PCNT: variants seen among roughly 807,000 people sequenced by gnomAD.
PCNT encodes kendrin.
A neutral mutation model predicts 380.4 loss-of-function variants in PCNT; 319 were observed. That is an observed-to-expected ratio of 0.84 (90% CI 0.77 to 0.92). The LOEUF (loss-of-function observed/expected upper bound fraction) is 0.92. Ranked by LOEUF, PCNT falls within the 40% of genes least tolerant of loss-of-function variation. The probability of loss-of-function intolerance (pLI) is 0.00; values close to 1 mark genes in which losing one functional copy is unlikely to be tolerated. For synonymous variants in PCNT, 1,845 were observed against 1,735.2 expected, an observed-to-expected ratio of 1.06 and a Z score of -1.57; for missense variants, 4,400 against 4,255.3, an observed-to-expected ratio of 1.03 and a Z score of -0.95.
At chr21:46,429,919 C>G in intron 35 of PCNT, 91 bp from the exon 36 acceptor site, 1 of 981,422 alleles carries the variant, frequency 1.0e-6, no homozygotes. Flanking sequence ...ACATACACCT[C>G]ACGCCCCCAC....
At chr21:46,326,270 G>A (rs756419280) in intron 1 of PCNT, 107 bp from the exon 2 acceptor site, 8 of 976,764 alleles carry the variant, frequency 8.2e-6, no homozygotes, top group Non-Finnish European at 1.3e-5. Flanking sequence ...GAGTAGACTG[G>A]GTCAGCCCTC....
intron 21 of PCNT, among the ~76,000 whole-genome samples, chr21:46,392,755 T>C (rs1299812793): frequency 6.6e-6 from 1 of 152,244 alleles, no homozygotes; most frequent in East Asian, 1.9e-4. Flanking sequence ...CCTATGACTG[T>C]GCCCACACTT....
intron 44 of PCNT, 58 bp from the exon 45 acceptor site, chr21:46,443,752 A>T: frequency 6.4e-7 from 1 of 1,562,790 alleles, no homozygotes; most frequent in East Asian, 2.2e-5. Flanking sequence ...ATGGGCCTTT[A>T]CTAAAATGCA....
At chr21:46,352,661 A>G (rs147492168) in intron 9 of PCNT, among the ~76,000 whole-genome samples, 2 of 152,256 alleles carry the variant, frequency 1.3e-5, no homozygotes, top group African/African-American at 4.8e-5. Context: ...GCCTAAAACA[A>G]CACAGTTGTC....
intron 2 of PCNT, among the ~76,000 whole-genome samples, chr21:46,332,927 A>G (rs1399530607): frequency 6.6e-6 from 1 of 152,044 alleles, no homozygotes; most frequent in Admixed American, 6.6e-5. Context: ...TTGGAACATA[A>G]TGAACAGAGA....
chr21:46,422,950 T>C lies in PCNT; in HGVS notation c.7179+826T>C, dbSNP rs928651989. Among the ~76,000 whole-genome samples, 3 of 152,194 alleles carry C rather than the reference T, an allele frequency of 2.0e-5. No individual in the cohort carries two copies. The East Asian group carries it at 5.8e-4, about 29-fold the overall frequency. ...GGACTTACTGCATTCAGAATAAAAC[T>C]TGTTTTACTTTATTTGGCTGGGCAC... On this transcript the variant is annotated intron_variant, in intron 32 of 46. Coordinates refer to ENST00000359568, the MANE Select transcript of PCNT (RefSeq NM_006031.6).
Position 46,436,113 on chromosome 21 carries a change from G to C in PCNT, c.8961G>C (p.Arg2987=). 1 of 1,610,196 alleles carries C rather than the reference G, an allele frequency of 6.2e-7. No homozygotes were observed. The highest frequency in any genetic ancestry group is 1.1e-5 in the South Asian group (1 of 91,072). The part of the protein sequence containing the change: ...AMRQRLLSAA[R]LLTSFTSQAV... ...GGCAGCGGCTGCTCTCTGCCGCCCG[G>C]CTTCTCACCAGCTTCACCAGCCAGG... is the stretch of plus-strand genomic sequence containing the variant. Residue 2987 remains arginine (R), a synonymous_variant, in exon 39 of 47, where the codon CGG becomes CGC. Transcript: ENST00000359568.
intron 12 of PCNT, among the ~76,000 whole-genome samples, chr21:46,356,773 G>T (rs2084494719): frequency 6.6e-6 from 1 of 152,246 alleles, no homozygotes; most frequent in African/African-American, 2.4e-5. Context: ...CTGTGCTGGG[G>T]CAGCATGGAG....
Position 46,439,985 on chromosome 21 carries a change from G to A in PCNT, c.9274-98G>A, listed in dbSNP as rs1369088446. On this transcript the variant is annotated intron_variant, in intron 41 of 46. Coordinates refer to ENST00000359568, the MANE Select transcript of PCNT (RefSeq NM_006031.6). ...GTGGTGTGGTCAGCCTGGCCTCCCC[G>A]CACATGGCCTTCTCCCTCACCTGCC... 1.5e-5 allele frequency: 22 copies of A among 1,482,854 alleles called. No individual in the cohort carries two copies. In the South Asian group the frequency reaches 1.6e-4, roughly 11 times the overall value. The allele number at this position is 1,482,854 out of a possible 1,614,324, so 91.9% of individuals were successfully genotyped here.
At position 46,363,938 on chromosome 21, in the gene PCNT, G is replaced by A. The variant is rs200449293; in HGVS notation, c.2609+4G>A. 10 of 1,604,002 alleles carry A rather than the reference G, an allele frequency of 6.2e-6. No homozygotes were observed. The African/African-American group carries it at 9.3e-5, about 15-fold the overall frequency. ...AGCTGATGCTGGCCCGGAGCAGGTG[G>A]GTTTGCAGTGACGCCATCTGCAGTC... On this transcript the variant is annotated splice_donor_region_variant and intron_variant, in intron 14 of 46. Coordinates refer to ENST00000359568, the MANE Select transcript of PCNT (RefSeq NM_006031.6).
At chr21:46,441,461 G>T (rs2053605222) in intron 43 of PCNT, among the ~76,000 whole-genome samples, 1 of 152,218 alleles carries the variant, frequency 6.6e-6, no homozygotes, top group South Asian at 2.1e-4. Context: ...GCGCGGGCCT[G>T]TCTGGAGTAG....
chr21:46,365,847 C>G (rs116801276), intron 14 of PCNT, among the ~76,000 whole-genome samples: 2 of 111,220 alleles, frequency 1.8e-5, no homozygotes, highest in Admixed American at 1.6e-4. Flanking sequence ...TTCACTGCCA[C>G]AGGGTTCTGT....
chr21:46,404,538 C>T (rs1051529005), intron 27 of PCNT, among the ~76,000 whole-genome samples: 12 of 152,268 alleles, frequency 7.9e-5, no homozygotes, highest in African/African-American at 1.4e-4. Flanking sequence ...CTTCTGGCTA[C>T]GCCTGCGTCT....
chr21:46,385,016 C>T (rs138378563), intron 16 of PCNT, among the ~76,000 whole-genome samples: 1 of 152,320 alleles, frequency 6.6e-6, no homozygotes, highest in Non-Finnish European at 1.5e-5. Flanking sequence ...CTCCAGAAGT[C>T]TTCATCTTGC....
At chr21:46,403,855 G>A (rs1404080097) in intron 27 of PCNT, among the ~76,000 whole-genome samples, 1 of 147,298 alleles carries the variant, frequency 6.8e-6, no homozygotes, top group Non-Finnish European at 1.5e-5. Context: ...AATCGTGTAT[G>A]TGTGGTGCCC....
Position 46,349,246 on chromosome 21 carries a change from A to T in PCNT, c.1207+60A>T, listed in dbSNP as rs1032207892. The T allele has an allele frequency of 5.3e-5, 71 of 1,350,820 alleles. No individual in the cohort carries two copies. In the Admixed American group the frequency reaches 1.1e-3, roughly 22 times the overall value. 83.7% of individuals were successfully genotyped at this position (1,350,820 alleles called of 1,614,324 possible). A position where few individuals can be genotyped will look rare whatever the true frequency, so the allele number is the denominator to read the frequency against. Reference sequence around the variant, plus strand: ...CTGAATTTTCCTAGGTAGTACTGGAAGGAATGTCGTTCATGTCACCATGCG... The same window carrying T: ...CTGAATTTTCCTAGGTAGTACTGGATGGAATGTCGTTCATGTCACCATGCG... On this transcript the variant is annotated intron_variant, in intron 7 of 46. Coordinates refer to ENST00000359568, the MANE Select transcript of PCNT (RefSeq NM_006031.6).
At chr21:46,355,323 G>A (rs962454847) in intron 11 of PCNT, 129 bp from the exon 12 acceptor site, 23 of 963,272 alleles carry the variant, frequency 2.4e-5, no homozygotes, top group Middle Eastern at 2.2e-4. Flanking sequence ...AGGGCGCAGC[G>A]TGTGGTCTCA....
intron 32 of PCNT, among the ~76,000 whole-genome samples, chr21:46,423,520 G>C (rs1282785309): frequency 3.3e-5 from 5 of 151,404 alleles, no homozygotes; most frequent in African/African-American, 1.2e-4. Context: ...AAACGTCAAG[G>C]AGATGTTTCT....
In PCNT at chr21:46,357,032, G is replaced by T. The variant is rs768518510; in HGVS notation, c.1995G>T (p.Glu665Asp). 45 of 1,614,140 alleles carry T rather than the reference G, an allele frequency of 2.8e-5. No individual in the cohort carries two copies. Among genetic ancestry groups the T allele is most frequent in the Non-Finnish European group, 3.5e-5 (41 of 1,180,064 alleles). Residue 665 changes from glutamate (E) to aspartate (D), a missense_variant, in exon 13 of 47, where the codon GAG (glutamate) becomes GAT (aspartate). Transcript: ENST00000359568. The stretch of plus-strand genomic sequence containing the variant: ...ACGGGGACTTGGAGGCCGACACAGA[G>T]CGGGCAGCCAGAGTCTTGGGTCTGG... ...VQDGDLEADT[E>D]RAARVLGLET...
Sources: allele counts gnomAD v4.1 joint callset (sites outside exome capture counted in the v4.1 genomes callset), GRCh38; gene constraint gnomAD v4.1.1; transcripts MANE v1.5; gene names NCBI Gene and HGNC (gene_info 2026-07-23, HGNC 2026-07-21).